ATP7A: variants seen among roughly 807,000 people sequenced by gnomAD.
ATP7A encodes ATPase copper transporting alpha, also known as copper-transporting ATPase 1.
ATP7A carries 7 observed loss-of-function variants against 83.5 expected under a neutral mutation model. That is an observed-to-expected ratio of 0.08 (90% CI 0.05 to 0.16). ATP7A has a LOEUF of 0.16. Among genes scored for constraint, ATP7A ranks in the 10% least tolerant of loss-of-function variants. ATP7A has a pLI of 1.00. For missense variants in ATP7A, 940 were observed against 1,120.8 expected, an observed-to-expected ratio of 0.84 and a Z score of 2.30; for synonymous variants, 354 against 395.2, an observed-to-expected ratio of 0.90 and a Z score of 1.24.
intron 1 of ATP7A, among the ~76,000 whole-genome samples, chrX:77,918,066 CTT>C (rs1311945353): frequency 6.6e-5 from 6 of 90,572 alleles, no homozygotes; most frequent in Admixed American, 1.2e-4. Flanking sequence ...TGTTCAGGCA[CTT>C]TTTTTTTTTT....
Position 77,915,856 on chromosome X carries a change from G to A in ATP7A, c.-22+5021G>A, listed in dbSNP as rs893354507. 2.7e-5 allele frequency among the ~76,000 whole-genome samples: 3 copies of A among 111,550 alleles called. No homozygotes were observed. In the Admixed American group the frequency reaches 2.8e-4, roughly 11 times the overall value. Reference sequence around the variant, plus strand: ...ATGCCTCAGCCCCCCGAGTAGATGGGGTTACAGGCGTGTGCCACCACACCC... The same window carrying A: ...ATGCCTCAGCCCCCCGAGTAGATGGAGTTACAGGCGTGTGCCACCACACCC... On this transcript the variant is annotated intron_variant, in intron 1 of 22. Coordinates refer to ENST00000341514, the MANE Select transcript of ATP7A (RefSeq NM_000052.7).
chrX:77,928,897 C>T (rs1557223895), intron 1 of ATP7A, among the ~76,000 whole-genome samples: 1 of 111,458 alleles, frequency 9.0e-6, no homozygotes, highest in Non-Finnish European at 1.9e-5. Context: ...TTAAGGTACC[C>T]CTGCCCCCTA....
intron 19 of ATP7A, 125 bp from the exon 20 acceptor site, chrX:78,042,460 T>G: frequency 2.9e-6 from 2 of 699,085 alleles, no homozygotes; most frequent in Admixed American, 4.8e-5. Context: ...TTGCTATCAC[T>G]AGATATTATC....
In ATP7A at chrX:77,969,479, T is replaced by C. The variant is rs144693831; in HGVS notation, c.-21-2142T>C. The C allele has an allele frequency of 5.0e-6, 6 of 1,208,811 alleles. No homozygotes were observed. In the African/African-American group the frequency reaches 8.7e-5, roughly 18 times the overall value. ...CTCTTCTGCACTGAGGTGAGGCAGA[T>C]GTCAAACTCATAGCCAGCATCTCGT... is the stretch of plus-strand genomic sequence containing the variant. On this transcript the variant is annotated intron_variant, in intron 1 of 22. Coordinates refer to ENST00000341514, the MANE Select transcript of ATP7A (RefSeq NM_000052.7).
At chrX:77,975,829 A>G (rs1391132902) in intron 2 of ATP7A, 1 of 111,618 alleles carries the variant, frequency 9.0e-6, no homozygotes, top group Non-Finnish European at 1.9e-5. Context: ...TTTTACTGCC[A>G]GGCCTTAATG....
In ATP7A at chrX:78,012,918, G is replaced by A. The variant is rs782389012; in HGVS notation, c.2212G>A (p.Ala738Thr). The change falls in exon 10 of 23, where the codon GCA becomes ACA. Residue 738 changes from alanine to threonine, a missense_variant. Around this residue, in one of 3 missense-constraint regions of ATP7A, gnomAD observed 204 missense variants for 185.8 expected, o/e 1.10. Transcript: ENST00000341514. ...GWYFYIQAYKALKHKTANMDV... is the reference protein window; with the variant it reads ...GWYFYIQAYKTLKHKTANMDV... ...GTACTTCTACATTCAGGCTTATAAAGCACTGAAGCATAAGACAGCAAATAT... is the reference window on the plus strand; with the variant it reads ...GTACTTCTACATTCAGGCTTATAAAACACTGAAGCATAAGACAGCAAATAT... 4 of 1,209,460 alleles carry A rather than the reference G, an allele frequency of 3.3e-6. No homozygotes were observed. Among genetic ancestry groups the A allele is most frequent in the Middle Eastern group, 2.3e-4 (1 of 4,350 alleles).
At chrX:77,980,985 C>A (rs2077602402) in intron 2 of ATP7A, among the ~76,000 whole-genome samples, 1 of 112,516 alleles carries the variant, frequency 8.9e-6, no homozygotes, top group African/African-American at 3.2e-5. Flanking sequence ...TTTACATGTA[C>A]ATAAGTATAT....
rs1434383377 is a variant in ATP7A, at chrX:78,049,441, A to G, written c.*2871A>G. The stretch of plus-strand genomic sequence containing the variant: ...TGCCCTTAGTCTGAAGATAACAAGG[A>G]TACTTTAATATCCAGTGCCGGTTCA... On this transcript the variant is annotated 3_prime_UTR_variant, in exon 23 of 23. Coordinates refer to ENST00000341514, the MANE Select transcript of ATP7A (RefSeq NM_000052.7). 8.9e-6 allele frequency: 1 copy of G among 112,596 alleles called. No homozygotes were observed. The allele number at this position is 112,596 out of a possible 1,213,427, so 9.3% of individuals were successfully genotyped here.
At chrX:77,925,542 G>A (rs1569548773) in intron 1 of ATP7A, among the ~76,000 whole-genome samples, 1 of 111,198 alleles carries the variant, frequency 9.0e-6, no homozygotes, top group East Asian at 2.8e-4. Context: ...CATTAGGTAT[G>A]CCACTAACTC....
chrX:77,985,811 C>T (rs782294238), intron 2 of ATP7A, among the ~76,000 whole-genome samples: 4 of 111,015 alleles, frequency 3.6e-5, no homozygotes, highest in Non-Finnish European at 5.7e-5. Flanking sequence ...AAAAAACTCC[C>T]TCTTGCTACC....
intron 1 of ATP7A, chrX:77,969,167 C>T (rs1351630777): frequency 1.7e-6 from 2 of 1,209,765 alleles, no homozygotes; most frequent in Non-Finnish European, 2.2e-6. Flanking sequence ...GCAATAGTAT[C>T]CTTCGGACTC....
At chrX:78,033,151 C>T (rs1395061466) in intron 16 of ATP7A, among the ~76,000 whole-genome samples, 1 of 112,013 alleles carries the variant, frequency 8.9e-6, no homozygotes, top group African/African-American at 3.2e-5. Context: ...GTCACCCAGG[C>T]TGGAGTGCAA....
rs1446544068 is a variant in ATP7A, at chrX:78,050,021, T to A, written c.*3451T>A. The A allele has an allele frequency of 8.9e-6, 1 of 112,225 alleles. No individual in the cohort carries two copies. The highest frequency in any genetic ancestry group is 3.2e-5 in the African/African-American group (1 of 30,839). 9.2% of individuals were successfully genotyped at this position (112,225 alleles called of 1,213,427 possible). ...ATTATTTTACAAAATAGAAAAAATA[T>A]AGATTCATGCCAAATTATTACCTAT... is the stretch of plus-strand genomic sequence containing the variant. On this transcript the variant is annotated 3_prime_UTR_variant, in exon 23 of 23. Coordinates refer to ENST00000341514, the MANE Select transcript of ATP7A (RefSeq NM_000052.7).
rs148796181 is a variant in ATP7A at position 77,927,049 on chromosome X, C to T, written c.-22+16214C>T. On this transcript the variant is annotated intron_variant, in intron 1 of 22. Coordinates refer to ENST00000341514, the MANE Select transcript of ATP7A (RefSeq NM_000052.7). ...CCTTTGTTTGCTTATTGTCCATCTC[C>T]CTCAAGAGAATATGAGCCCCATGAA... 8.1e-3 allele frequency among the ~76,000 whole-genome samples: 904 copies of T among 111,779 alleles called. 13 individuals are homozygous for T. The highest frequency in any genetic ancestry group is 0.028 in the African/African-American group (866 of 30,767).
At chrX:78,000,394 A>C (rs1016140327) in intron 5 of ATP7A, among the ~76,000 whole-genome samples, 33 of 110,633 alleles carry the variant, frequency 3.0e-4, no homozygotes, top group African/African-American at 9.2e-4. Flanking sequence ...AGCTTTCTTC[A>C]TGAGACAAGC....
At chrX:78,009,554 T>A in intron 7 of ATP7A, 1 of 284,376 alleles carries the variant, frequency 3.5e-6, no homozygotes, top group South Asian at 5.6e-5. Context: ...TAATTTGTTA[T>A]AAATAAGATT....
intron 1 of ATP7A, among the ~76,000 whole-genome samples, chrX:77,946,286 C>A (rs1425529043): frequency 2.5e-4 from 25 of 101,056 alleles, no homozygotes; most frequent in African/African-American, 8.5e-4. Context: ...GGTGACAGGG[C>A]GAGACTCTGT....
intron 19 of ATP7A, among the ~76,000 whole-genome samples, chrX:78,041,691 A>G (rs1487874687): frequency 1.8e-5 from 2 of 111,914 alleles, no homozygotes; most frequent in Non-Finnish European, 3.8e-5. Flanking sequence ...TCATATGCAT[A>G]TATGTGCATA....
chrX:77,927,760 T>C (rs1026048380), intron 1 of ATP7A, among the ~76,000 whole-genome samples: 2 of 111,020 alleles, frequency 1.8e-5, no homozygotes, highest in Non-Finnish European at 3.8e-5. Context: ...ACATTAGGTA[T>C]ATCTCCTAAT....
Sources: gnomAD v4.1 joint callset for allele counts (sites outside exome capture counted in the v4.1 genomes callset) on GRCh38, gnomAD v4.1.1 for gene constraint, gnomAD v4.1.1 regional missense constraint, MANE v1.5 for transcripts, NCBI Gene and HGNC (gene_info 2026-07-23, HGNC 2026-07-21) for gene names.